Variants in FHIT observed in about 807,000 individuals in gnomAD.
FHIT encodes the protein fragile histidine triad diadenosine triphosphatase.
FHIT carries 19 observed loss-of-function variants against 17.9 expected under a neutral mutation model. The observed-to-expected ratio is 1.06, with a 90% confidence interval of 0.74 to 1.56. The LOEUF is 1.56. Among genes scored for constraint, FHIT ranks in the 40% most tolerant of loss-of-function variants. The pLI is 0.00. For missense variants in FHIT, 248 were observed against 189.2 expected (o/e 1.31, Z -1.82); for synonymous variants, 81 against 69.7 (o/e 1.16, Z -0.81).
At chr3:60,931,336 C>G (rs1707942156) in intron 3 of FHIT, among the ~76,000 whole-genome samples, 1 of 152,010 alleles carries the variant, frequency 6.6e-6, no homozygotes, top group African/African-American at 2.4e-5. Context: ...GCACGTTGTG[C>G]ACATGTACCC....
intron 3 of FHIT, among the ~76,000 whole-genome samples, chr3:60,895,128 C>T (rs1447916): frequency 0.43 from 65,456 of 152,044 alleles, 15,897 homozygotes; most frequent in East Asian, 0.82. Context: ...CTTTCTCAGC[C>T]TTCCTTTGCC....
intron 5 of FHIT, among the ~76,000 whole-genome samples, chr3:60,112,945 T>C (rs1266094723): frequency 3.3e-5 from 5 of 152,188 alleles, no homozygotes; most frequent in Admixed American, 2.6e-4. Context: ...CCACTGACCA[T>C]GGAATGCTAT....
chr3:61,224,833 AT>A (rs2039928963), intron 1 of FHIT, among the ~76,000 whole-genome samples: 1 of 152,262 alleles, frequency 6.6e-6, no homozygotes, highest in Non-Finnish European at 1.5e-5. Context: ...GCATGTACAT[AT>A]ATACATACAG....
At chr3:60,974,885 T>C (rs1455497276) in intron 3 of FHIT, among the ~76,000 whole-genome samples, 1 of 152,218 alleles carries the variant, frequency 6.6e-6, no homozygotes, top group African/African-American at 2.4e-5. Context: ...AGTTAGAGTA[T>C]TATTGGCATT....
chr3:60,112,267 G>C (rs1379299189), intron 5 of FHIT, among the ~76,000 whole-genome samples: 2 of 152,074 alleles, frequency 1.3e-5, no homozygotes, highest in Non-Finnish European at 2.9e-5. Context: ...ATATCCCATT[G>C]ACCTCATGGA....
chr3:59,980,538 A>G (rs1281877988), intron 7 of FHIT, among the ~76,000 whole-genome samples: 1 of 152,190 alleles, frequency 6.6e-6, no homozygotes, highest in Admixed American at 6.5e-5. Flanking sequence ...GGATGATAGC[A>G]GAGAAGAGCT....
intron 4 of FHIT, among the ~76,000 whole-genome samples, chr3:60,622,772 G>C (rs1272334126): frequency 1.3e-5 from 2 of 152,214 alleles, no homozygotes; most frequent in African/African-American, 4.8e-5. Flanking sequence ...AATCGCTCAT[G>C]AAGTAGAGAA....
At position 60,181,479 on chromosome 3, in the gene FHIT, G is replaced by T. The variant is rs925855073; in HGVS notation, c.104-167327C>A. ...CAGATTATCCTCATTTTACAGATGGGAACATCTAGGTTCAAAAAGGTAAAG... is the reference window on the plus strand; with the variant it reads ...CAGATTATCCTCATTTTACAGATGGTAACATCTAGGTTCAAAAAGGTAAAG... On this transcript the variant is annotated intron_variant, in intron 5 of 9. Coordinates refer to ENST00000492590, the MANE Select transcript of FHIT (RefSeq NM_002012.4). 2.0e-5 allele frequency among the ~76,000 whole-genome samples: 3 copies of T among 152,216 alleles called. No individual in the cohort carries two copies. In the East Asian group the frequency reaches 5.8e-4, roughly 29 times the overall value.
intron 4 of FHIT, chr3:60,553,336 C>T (rs2036621433): frequency 1.1e-6 from 1 of 911,276 alleles, no homozygotes; most frequent in Non-Finnish European, 1.3e-6. Flanking sequence ...CTACCTATGA[C>T]TCAAGTGAGG....
At chr3:60,454,848 T>C (rs1336208040) in intron 5 of FHIT, among the ~76,000 whole-genome samples, 1 of 152,036 alleles carries the variant, frequency 6.6e-6, no homozygotes, top group African/African-American at 2.4e-5. Context: ...TATCCAGGGT[T>C]GTAAAGATAA....
At chr3:60,999,677 G>T (rs1438753253) in intron 3 of FHIT, among the ~76,000 whole-genome samples, 1 of 151,848 alleles carries the variant, frequency 6.6e-6, no homozygotes, top group Non-Finnish European at 1.5e-5. Context: ...ATTCTTTAGG[G>T]ATCAACACCT....
chr3:61,112,328 A>T (rs1165115275), intron 2 of FHIT, among the ~76,000 whole-genome samples: 18 of 151,628 alleles, frequency 1.2e-4, no homozygotes, highest in Admixed American at 1.2e-3. Flanking sequence ...AAAATGGGAC[A>T]GGAGACCACC....
At chr3:60,375,323 C>T (rs111312156) in intron 5 of FHIT, among the ~76,000 whole-genome samples, 14,876 of 151,166 alleles carry the variant, frequency 0.098, 1,108 homozygotes, top group East Asian at 0.26. Context: ...AATCCTAGCA[C>T]TTTGGAAGGC....
At chr3:60,713,048 GT>G (rs1164308599) in intron 4 of FHIT, among the ~76,000 whole-genome samples, 9 of 152,022 alleles carry the variant, frequency 5.9e-5, no homozygotes, top group Admixed American at 5.9e-4. Flanking sequence ...CTCAACAAAC[GT>G]AAAAGAAGAG....
intron 4 of FHIT, among the ~76,000 whole-genome samples, chr3:60,541,431 C>T (rs957974187): frequency 6.6e-6 from 1 of 152,176 alleles, no homozygotes; most frequent in African/African-American, 2.4e-5. Context: ...TCCTTAGAGT[C>T]TTAGCTGTAC....
rs192091587 is a variant in FHIT at position 60,854,886 on chromosome 3, T to A, written c.-110-32875A>T. 1.4e-3 allele frequency among the ~76,000 whole-genome samples: 210 copies of A among 152,244 alleles called. 1 individual carries two copies. The highest frequency in any genetic ancestry group is 2.7e-3 in the Non-Finnish European group (182 of 68,014). Reference sequence around the variant, plus strand: ...TAGGAAAGAATGGATGTAAAGTGGATCTTAGGAAGGGAACAACCAATGCCT... The same window carrying A: ...TAGGAAAGAATGGATGTAAAGTGGAACTTAGGAAGGGAACAACCAATGCCT... On this transcript the variant is annotated intron_variant, in intron 3 of 9. Coordinates refer to ENST00000492590, the MANE Select transcript of FHIT (RefSeq NM_002012.4).
rs774728332 is a variant in FHIT, at chr3:60,546,459, CCTAA to C, written c.-17-9484_-17-9481del. Among the ~76,000 whole-genome samples, 9 of 152,250 alleles carry C rather than the reference CCTAA, an allele frequency of 5.9e-5. No individual in the cohort carries two copies. The South Asian group carries it at 6.2e-4, about 11-fold the overall frequency. ...ATATCATATCCCATCTTCGTCATGT[CCTAA>C]CTTTTATGCTGAATTGATATTGTTA... On this transcript the variant is annotated intron_variant, in intron 4 of 9. Coordinates refer to ENST00000492590, the MANE Select transcript of FHIT (RefSeq NM_002012.4).
chr3:60,955,605 T>TATATATATATACATATATATATAC (rs1709082908), intron 3 of FHIT, among the ~76,000 whole-genome samples: 1 of 85,610 alleles, frequency 1.2e-5, no homozygotes, highest in Admixed American at 1.1e-4. Context: ...TACATATATA[T>TATATATATATACATATATATATAC]ATATATATAT....
At chr3:60,501,953 T>C (rs1576770446) in intron 5 of FHIT, among the ~76,000 whole-genome samples, 1 of 152,300 alleles carries the variant, frequency 6.6e-6, no homozygotes, top group Middle Eastern at 3.4e-3. Context: ...ATAAGCAGCA[T>C]ACGCATAAAT....
Sources: allele counts gnomAD v4.1 joint callset (sites outside exome capture counted in the v4.1 genomes callset), GRCh38; gene constraint gnomAD v4.1.1; transcripts MANE v1.5; gene names NCBI Gene and HGNC (gene_info 2026-07-23, HGNC 2026-07-21).